FRA10AC1: variants seen among roughly 807,000 people sequenced by gnomAD.
FRA10AC1 encodes FRA10A associated CGG repeat 1, also known as protein FRA10AC1.
A neutral mutation model predicts 56.5 loss-of-function variants in FRA10AC1; 43 were observed. The ratio of observed to expected loss-of-function variants is 0.76; its 90% CI spans 0.60 to 0.98. The LOEUF (loss-of-function observed/expected upper bound fraction) is 0.98. FRA10AC1 is among the 50% of genes least tolerant of loss of function. FRA10AC1 has a pLI of 0.00. For synonymous variants in FRA10AC1, 112 were observed against 110.5 expected, an observed-to-expected ratio of 1.01 and a Z score of -0.09; for missense variants, 346 against 351.8, an observed-to-expected ratio of 0.98 and a Z score of 0.13.
intron 9 of FRA10AC1, among the ~76,000 whole-genome samples, chr10:93,684,497 CTT>C (rs56873831): frequency 0.095 from 12,306 of 129,972 alleles, 503 homozygotes; most frequent in East Asian, 0.28. Flanking sequence ...ATTGTGGTCT[CTT>C]TTTTTTTTTT....
intron 7 of FRA10AC1, among the ~76,000 whole-genome samples, chr10:93,691,269 G>A (rs187631145): frequency 6.6e-6 from 1 of 152,128 alleles, no homozygotes; most frequent in African/African-American, 2.4e-5. Flanking sequence ...TCAAACTCCT[G>A]GACTCAAGCA....
At chr10:93,683,462 T>C (rs1010556037) in intron 10 of FRA10AC1, among the ~76,000 whole-genome samples, 6 of 152,168 alleles carry the variant, frequency 3.9e-5, no homozygotes, top group Non-Finnish European at 7.3e-5. Flanking sequence ...GCAATTCTCC[T>C]GCCTCAGCCT....
chr10:93,695,058 C>T, intron 4 of FRA10AC1, 121 bp from the exon 5 acceptor site: 1 of 625,774 alleles, frequency 1.6e-6, no homozygotes, highest in Non-Finnish European at 2.8e-6. Context: ...AAAATATTCA[C>T]ACACTATACA....
At chr10:93,671,953 A>G (rs2058769532) in intron 12 of FRA10AC1, 2 of 406,278 alleles carry the variant, frequency 4.9e-6, no homozygotes, top group African/African-American at 4.2e-5. Context: ...AGATGACAAA[A>G]TAGATATGTT....
chr10:93,693,630 C>CAT lies in FRA10AC1; in HGVS notation c.297-903_297-902dup, dbSNP rs1316233656. ...ATACACACCATATATATATACACAC[C>CAT]ATATATATACACACCATATATATAT... On this transcript the variant is annotated intron_variant, in intron 5 of 13. Transcript: ENST00000359204. 9.8e-4 allele frequency among the ~76,000 whole-genome samples: 122 copies of CAT among 124,148 alleles called. 1 individual carries two copies. Among genetic ancestry groups the CAT allele is most frequent in the African/African-American group, 3.3e-3 (114 of 34,976 alleles). 81.4% of individuals were successfully genotyped at this position (124,148 alleles called of 152,430 possible). A position where few individuals can be genotyped will look rare whatever the true frequency, so the allele number is the denominator to read the frequency against.
chr10:93,691,016 G>A (rs1322967472), intron 7 of FRA10AC1, among the ~76,000 whole-genome samples: 1 of 152,114 alleles, frequency 6.6e-6, no homozygotes, highest in African/African-American at 2.4e-5. Flanking sequence ...AAATCTTCAT[G>A]ATAGATAAAT....
At chr10:93,695,523 AAT>A (rs1471346372) in intron 4 of FRA10AC1, among the ~76,000 whole-genome samples, 2 of 152,090 alleles carry the variant, frequency 1.3e-5, no homozygotes, top group Non-Finnish European at 2.9e-5. Context: ...ATTGTAACAA[AAT>A]ATATGAGCAT....
chr10:93,698,426 A>T, intron 2 of FRA10AC1, 30 bp from the exon 3 acceptor site: 1 of 1,269,126 alleles, frequency 7.9e-7, no homozygotes, highest in Non-Finnish European at 1.1e-6. Context: ...ATAAGAGTTC[A>T]CTTTTTTCAA....
chr10:93,676,134 C>A (rs2058836082), intron 12 of FRA10AC1, among the ~76,000 whole-genome samples: 1 of 152,140 alleles, frequency 6.6e-6, no homozygotes, highest in African/African-American at 2.4e-5. Context: ...ATAAATTTCA[C>A]CTGTAGTTTT....
Position 93,700,012 on chromosome 10 carries a change from T to A in FRA10AC1, c.77+18A>T, listed in dbSNP as rs185100793. 9 of 1,319,914 alleles carry A rather than the reference T, an allele frequency of 6.8e-6. No individual in the cohort carries two copies. The highest frequency in any genetic ancestry group is 3.6e-4 in the Middle Eastern group (2 of 5,488). 81.8% of individuals were successfully genotyped at this position (1,319,914 alleles called of 1,614,324 possible). A position where few individuals can be genotyped will look rare whatever the true frequency, so the allele number is the denominator to read the frequency against. On this transcript the variant is annotated intron_variant, in intron 2 of 13. Transcript: ENST00000359204. ...AGAAAGGATGTGAAAAATAGATCAA[T>A]AAAAAAAAATTACTTACCTTTTTTT...
chr10:93,680,705 T>A (rs1278154452), intron 11 of FRA10AC1, among the ~76,000 whole-genome samples: 1 of 152,238 alleles, frequency 6.6e-6, no homozygotes, highest in Non-Finnish European at 1.5e-5. Context: ...GCCGATTGAC[T>A]CTACTTTATT....
chr10:93,676,213 G>GT (rs2058837433), intron 12 of FRA10AC1, among the ~76,000 whole-genome samples: 1 of 151,990 alleles, frequency 6.6e-6, no homozygotes, highest in Non-Finnish European at 1.5e-5. Context: ...TATTGTGTAT[G>GT]TTTTTATAAG....
In FRA10AC1 at chr10:93,668,908, A is replaced by T. The variant is rs1464930385; in HGVS notation, c.*918T>A. The T allele has an allele frequency of 6.6e-6, 1 of 152,144 alleles. No individual in the cohort carries two copies. The highest frequency in any genetic ancestry group is 2.4e-5 in the African/African-American group (1 of 41,442). 9.4% of individuals were successfully genotyped at this position (152,144 alleles called of 1,614,324 possible). A position where few individuals can be genotyped will look rare whatever the true frequency, so the allele number is the denominator to read the frequency against. On this transcript the variant is annotated 3_prime_UTR_variant, in exon 14 of 14. Transcript: ENST00000359204. ...GAGGTATATTCATATTTGCATGAGT[A>T]TATCTGAGGCAAGATACATGCACAT...
At chr10:93,694,803 G>A (rs972356908) in intron 5 of FRA10AC1, 58 bp downstream of exon 5, 1 of 878,956 alleles carries the variant, frequency 1.1e-6, no homozygotes, top group African/African-American at 1.7e-5. Context: ...AGTAGCTGTG[G>A]GTCTTTAAAG....
intron 5 of FRA10AC1, among the ~76,000 whole-genome samples, chr10:93,693,111 C>T (rs528175871): frequency 2.0e-5 from 3 of 151,482 alleles, no homozygotes; most frequent in East Asian, 3.9e-4. Context: ...AAAAGTTTTC[C>T]GTATCTCATT....
At chr10:93,689,969 C>T (rs898856380) in intron 7 of FRA10AC1, among the ~76,000 whole-genome samples, 13 of 151,862 alleles carry the variant, frequency 8.6e-5, no homozygotes, top group African/African-American at 2.9e-4. Context: ...TGCAGCTGGA[C>T]CTAATCCTAA....
chr10:93,688,066 G>A (rs1208372564), intron 7 of FRA10AC1: 2 of 152,050 alleles, frequency 1.3e-5, no homozygotes, highest in Admixed American at 6.6e-5. Context: ...CCTAAATATA[G>A]ATGTTTACAG....
At chr10:93,671,778 C>T (rs913045) in intron 12 of FRA10AC1, 204,949 of 298,070 alleles carry the variant, frequency 0.69, 71,502 homozygotes, top group Middle Eastern at 0.78. Flanking sequence ...ATTTTATGTA[C>T]GTATTGTAAG....
chr10:93,694,332 TAA>T (rs979308208), intron 5 of FRA10AC1, among the ~76,000 whole-genome samples: 6 of 151,998 alleles, frequency 3.9e-5, no homozygotes, highest in Admixed American at 2.6e-4. Context: ...GCTCAGCAGG[TAA>T]AGAGTCTACC....
Sources: gnomAD v4.1 joint callset for allele counts (sites outside exome capture counted in the v4.1 genomes callset) on GRCh38, gnomAD v4.1.1 for gene constraint, MANE v1.5 for transcripts, NCBI Gene and HGNC (gene_info 2026-07-23, HGNC 2026-07-21) for gene names.